ARPP21: variants seen among roughly 807,000 people sequenced by gnomAD.
The protein encoded by ARPP21 is cAMP-regulated phosphoprotein 21.
Under a neutral mutation model 113.2 loss-of-function variants are expected in ARPP21, and 69 were observed. The ratio of observed to expected loss-of-function variants is 0.61; its 90% confidence interval spans 0.50 to 0.74. The LOEUF (loss-of-function observed/expected upper bound fraction) is 0.74. Among genes scored for constraint, ARPP21 ranks in the 30% least tolerant of loss-of-function variants. The pLI, the probability that ARPP21 is intolerant of heterozygous loss-of-function variation, is 0.00. For missense variants in ARPP21, 1,070 were observed against 1,037.4 expected, an observed-to-expected ratio of 1.03 and a Z score of -0.43; for synonymous variants, 368 against 375.5, an observed-to-expected ratio of 0.98 and a Z score of 0.23.
In ARPP21 at chr3:35,717,375, TC is replaced by T; in HGVS notation, c.995+19del. 6.6e-7 allele frequency: 1 copy of T among 1,518,542 alleles called. No homozygotes were observed. Among genetic ancestry groups the T allele is most frequent in the Non-Finnish European group, 9.1e-7 (1 of 1,093,902 alleles). 94.1% of individuals were successfully genotyped at this position (1,518,542 alleles called of 1,614,324 possible). A position where few individuals can be genotyped will look rare whatever the true frequency, so the allele number is the denominator to read the frequency against. ...CTCTTTCGGTTGGTATGGTTTACTT[TC>T]TTAAACTGTGTTTTTTTCAAATTAT... On this transcript the variant is annotated intron_variant, in intron 13 of 20. Coordinates refer to ENST00000684406, the MANE Select transcript of ARPP21 (RefSeq NM_001385562.1).
intron 1 of ARPP21, among the ~76,000 whole-genome samples, chr3:35,653,682 A>C (rs1703487097): frequency 6.6e-6 from 1 of 152,070 alleles, no homozygotes; most frequent in African/African-American, 2.4e-5. Flanking sequence ...TTAATTAACC[A>C]TTGTGAGTTT....
At position 35,793,938 on chromosome 3, in the gene ARPP21, G is replaced by T. The variant is rs761814458; in HGVS notation, c.2524G>T (p.Gly842Cys). Residue 842 changes from glycine (G) to cysteine (C), a missense_variant, in exon 21 of 21, where the codon GGT (glycine) becomes TGT (cysteine). Physicochemically the swap from Gly to Cys is radical, Grantham distance 159. Transcript: ENST00000684406. ...AAACTGTGCAAGTATGAGCAATGCT[G>T]GTTGGCAGGTCAAATTCTGAGAGCT... is the stretch of plus-strand genomic sequence containing the variant. ...RTNCASMSNA[G>C]WQVKF 45 of 1,613,642 alleles carry T rather than the reference G, an allele frequency of 2.8e-5. No individual in the cohort carries two copies. The highest frequency in any genetic ancestry group is 3.7e-5 in the Non-Finnish European group (44 of 1,179,748).
At chr3:35,743,516 CTTT>C (rs2094810790) in intron 18 of ARPP21, among the ~76,000 whole-genome samples, 1 of 152,154 alleles carries the variant, frequency 6.6e-6, no homozygotes, top group South Asian at 2.1e-4. Context: ...GTCTAGACTT[CTTT>C]ATCTCTTGGC....
chr3:35,781,631 C>T (rs566343737), intron 19 of ARPP21: 1 of 152,238 alleles, frequency 6.6e-6, no homozygotes, highest in South Asian at 2.1e-4. Context: ...GATATTTCTT[C>T]TTGCTGTTAC....
At chr3:35,730,517 G>T (rs2093886077) in intron 15 of ARPP21, among the ~76,000 whole-genome samples, 1 of 152,196 alleles carries the variant, frequency 6.6e-6, no homozygotes, top group Non-Finnish European at 1.5e-5. Context: ...GTGGTACCAT[G>T]GTTGAGAATC....
intron 19 of ARPP21, among the ~76,000 whole-genome samples, chr3:35,791,040 G>T (rs1001420895): frequency 6.6e-6 from 1 of 152,152 alleles, no homozygotes; most frequent in Non-Finnish European, 1.5e-5. Context: ...CTCATTTGAT[G>T]AACTGAGCCA....
Position 35,729,406 on chromosome 3 carries a change from A to T in ARPP21, c.1329A>T (p.Pro443=). The T allele has an allele frequency of 6.2e-7, 1 of 1,614,076 alleles. No homozygotes were observed. Among genetic ancestry groups the T allele is most frequent in the Non-Finnish European group, 8.5e-7 (1 of 1,180,020 alleles). ...TCTCAGGTGTGGCAGCTGGCTCTCCAGGCTGTGTGCCTTATCCAGAGAATG... is the reference window on the plus strand; with the variant it reads ...TCTCAGGTGTGGCAGCTGGCTCTCCTGGCTGTGTGCCTTATCCAGAGAATG... ...PLVSGVAAGS[P]GCVPYPENGI... Residue 443 remains proline (P), a synonymous_variant, in exon 15 of 21, where the codon CCA becomes CCT. Coordinates refer to ENST00000684406, the MANE Select transcript of ARPP21 (RefSeq NM_001385562.1).
intron 19 of ARPP21, among the ~76,000 whole-genome samples, chr3:35,762,833 A>G (rs1292830740): frequency 1.3e-5 from 2 of 152,102 alleles, no homozygotes; most frequent in African/African-American, 4.8e-5. Flanking sequence ...TTAAAACCAG[A>G]CTCAGACACT....
In ARPP21 at chr3:35,747,359, T is replaced by TAAAAA. The variant is rs34264524; in HGVS notation, c.2137+3409_2137+3413dup. On this transcript the variant is annotated intron_variant, in intron 19 of 20. Coordinates refer to ENST00000684406, the MANE Select transcript of ARPP21 (RefSeq NM_001385562.1). Reference sequence around the variant, plus strand: ...CTGGGCAACAGAGCAAGACTCCATCTAAAAAAAAAAAAAAAAAAAGAACAC... The same window carrying TAAAAA: ...CTGGGCAACAGAGCAAGACTCCATCTAAAAAAAAAAAAAAAAAAAAAAAAGAACAC... Among the ~76,000 whole-genome samples, 387 of 108,846 alleles carry TAAAAA rather than the reference T, an allele frequency of 3.6e-3. 4 individuals are homozygous for TAAAAA. Among genetic ancestry groups the TAAAAA allele is most frequent in the East Asian group, 5.4e-3 (19 of 3,520 alleles). 71.4% of individuals were successfully genotyped at this position (108,846 alleles called of 152,430 possible).
At chr3:35,710,200 G>A (rs1325076881) in intron 11 of ARPP21, among the ~76,000 whole-genome samples, 1 of 152,140 alleles carries the variant, frequency 6.6e-6, no homozygotes, top group African/African-American at 2.4e-5. Context: ...GAAATTAGAA[G>A]AGTGTGAGAG....
intron 1 of ARPP21, among the ~76,000 whole-genome samples, chr3:35,669,491 C>G (rs1214214670): frequency 6.6e-6 from 1 of 152,128 alleles, no homozygotes; most frequent in African/African-American, 2.4e-5. Context: ...ATTTCCACAT[C>G]CATAGTTTGG....
At chr3:35,739,678 C>A (rs1231335304) in intron 18 of ARPP21, 101 bp downstream of exon 18, 3 of 1,408,078 alleles carry the variant, frequency 2.1e-6, no homozygotes, top group African/African-American at 1.4e-5. Context: ...TCCCTCTTCC[C>A]TTTCTAGTCT....
At chr3:35,761,462 A>G (rs1411962825) in intron 19 of ARPP21, among the ~76,000 whole-genome samples, 2 of 152,032 alleles carry the variant, frequency 1.3e-5, no homozygotes, top group Admixed American at 1.3e-4. Context: ...AGGGCTGTTT[A>G]TTTGGGAACA....
intron 16 of ARPP21, among the ~76,000 whole-genome samples, 163 bp from the exon 17 acceptor site, chr3:35,738,051 G>A (rs541560324): frequency 1.3e-5 from 2 of 152,282 alleles, no homozygotes; most frequent in Admixed American, 1.3e-4. Flanking sequence ...TCTCAAATGT[G>A]TCTGGCTCTG....
At chr3:35,715,556 C>G in intron 12 of ARPP21, 80 bp downstream of exon 12, 1 of 1,126,962 alleles carries the variant, frequency 8.9e-7, no homozygotes, top group Non-Finnish European at 1.3e-6. Context: ...AAATATATAT[C>G]CCATATATGT....
intron 19 of ARPP21, among the ~76,000 whole-genome samples, chr3:35,766,527 C>G (rs2151421051): frequency 6.6e-6 from 1 of 152,246 alleles, no homozygotes; most frequent in South Asian, 2.1e-4. Flanking sequence ...GAATTTTGAG[C>G]CTTTAGGCAT....
At chr3:35,681,454 ATG>A in intron 2 of ARPP21, 1 of 268,012 alleles carries the variant, frequency 3.7e-6, no homozygotes, top group Non-Finnish European at 7.2e-6. Flanking sequence ...TGTGGGAGTT[ATG>A]TGTCTCTAAG....
At chr3:35,779,998 G>C (rs145379285) in intron 19 of ARPP21, among the ~76,000 whole-genome samples, 2,494 of 152,296 alleles carry the variant, frequency 0.016, 44 homozygotes, top group Middle Eastern at 0.048. Flanking sequence ...GGGGATAAGA[G>C]AAAGTAGTTA....
chr3:35,751,674 A>C (rs1213245469), intron 19 of ARPP21, among the ~76,000 whole-genome samples: 1 of 152,150 alleles, frequency 6.6e-6, no homozygotes, highest in African/African-American at 2.4e-5. Flanking sequence ...AATGGAGTTT[A>C]AATACTTAAT....
Sources: allele counts gnomAD v4.1 joint callset (sites outside exome capture counted in the v4.1 genomes callset), GRCh38; gene constraint gnomAD v4.1.1; transcripts MANE v1.5; gene names NCBI Gene and HGNC (gene_info 2026-07-23, HGNC 2026-07-21).